Variants in DGKB observed in about 807,000 individuals in gnomAD.
DGKB encodes the protein 90 kDa diacylglycerol kinase.
Under a neutral mutation model 114.3 loss-of-function variants are expected in DGKB, and 67 were observed. The observed-to-expected ratio is 0.59, with a 90% confidence interval of 0.48 to 0.72. DGKB has a LOEUF of 0.72. DGKB is among the 30% of genes least tolerant of loss of function. The pLI, the probability that DGKB is intolerant of heterozygous loss-of-function variation, is 0.00. For missense variants in DGKB, 907 were observed against 975.2 expected (o/e 0.93, Z 0.93); for synonymous variants, 398 against 323.1 (o/e 1.23, Z -2.49).
rs528475802 is a variant in DGKB, at chr7:14,761,535, A to G, written c.71-3804T>C. On this transcript the variant is annotated intron_variant, in intron 2 of 25. Coordinates refer to ENST00000402815, the MANE Select transcript of DGKB (RefSeq NM_001350709.2). ...TGAGTTACATTCTGTCCAAAACTACACTGGGGCAGTGGAGAGGGGAAAGGA... is the reference window on the plus strand; with the variant it reads ...TGAGTTACATTCTGTCCAAAACTACGCTGGGGCAGTGGAGAGGGGAAAGGA... Among the ~76,000 whole-genome samples the G allele has an allele frequency of 2.0e-5, 3 of 152,306 alleles. No individual in the cohort carries two copies. In the South Asian group the frequency reaches 6.2e-4, roughly 32 times the overall value.
chr7:14,818,362 T>C (rs1844454074), intron 2 of DGKB, among the ~76,000 whole-genome samples: 1 of 152,130 alleles, frequency 6.6e-6, no homozygotes, highest in African/African-American at 2.4e-5. Flanking sequence ...TGCACACAGT[T>C]CTAGAATCTT....
At chr7:14,315,193 G>C (rs1015243787) in intron 23 of DGKB, among the ~76,000 whole-genome samples, 3 of 141,314 alleles carry the variant, frequency 2.1e-5, no homozygotes, top group Non-Finnish European at 3.1e-5. Flanking sequence ...AAAATGTAAA[G>C]ACCGTCGAGA....
chr7:14,481,776 T>C (rs894485681), intron 20 of DGKB, among the ~76,000 whole-genome samples: 1 of 152,010 alleles, frequency 6.6e-6, no homozygotes, highest in Non-Finnish European at 1.5e-5. Flanking sequence ...AAACTTTTCT[T>C]TTTCTCAAAA....
chr7:14,315,199 C>T (rs965975701), intron 23 of DGKB, among the ~76,000 whole-genome samples: 4 of 143,982 alleles, frequency 2.8e-5, no homozygotes, highest in Admixed American at 2.1e-4. Flanking sequence ...TAAAGACCGT[C>T]GAGACTAGGA....
chr7:14,258,853 C>A (rs553466668), intron 23 of DGKB, among the ~76,000 whole-genome samples: 1 of 151,138 alleles, frequency 6.6e-6, no homozygotes, highest in African/African-American at 2.4e-5. Flanking sequence ...CTGTGCCTAT[C>A]CCTCAAAAAC....
chr7:14,391,112 C>G (rs994502410), intron 21 of DGKB, among the ~76,000 whole-genome samples: 2 of 152,110 alleles, frequency 1.3e-5, no homozygotes, highest in Non-Finnish European at 2.9e-5. Context: ...ACTACACTTG[C>G]TAGAGGTATT....
At chr7:14,904,893 T>C (rs896318452), upstream of DGKB, among the ~76,000 whole-genome samples, 3 of 152,156 alleles carry the variant, frequency 2.0e-5, no homozygotes, top group South Asian at 2.1e-4. Flanking sequence ...CACATAGAAA[T>C]ACATTTTGAT....
intron 21 of DGKB, among the ~76,000 whole-genome samples, chr7:14,397,282 C>T (rs544839099): frequency 1.3e-5 from 2 of 152,214 alleles, no homozygotes; most frequent in East Asian, 3.9e-4. Context: ...TGTGAGTGCG[C>T]TGACCTGTGG....
chr7:14,381,297 G>C (rs1223092128), intron 21 of DGKB, among the ~76,000 whole-genome samples: 3 of 152,184 alleles, frequency 2.0e-5, no homozygotes, highest in Admixed American at 2.0e-4. Context: ...GTCTCCATTT[G>C]TACTTTTGCT....
chr7:14,622,043 C>T (rs1807751654), intron 14 of DGKB, among the ~76,000 whole-genome samples: 1 of 151,926 alleles, frequency 6.6e-6, no homozygotes, highest in Admixed American at 6.6e-5. Flanking sequence ...GTTTCTATTT[C>T]CTCTCTTTTC....
chr7:14,392,995 G>GTTTTGTTTTTTTGTTTT (rs1554404749), intron 21 of DGKB, among the ~76,000 whole-genome samples: 2 of 60,548 alleles, frequency 3.3e-5, no homozygotes, highest in African/African-American at 9.7e-5. Flanking sequence ...TTTTGTTTTT[G>GTTTTGTTTTTTTGTTTT]TTTTTTTTTT....
intron 1 of DGKB, among the ~76,000 whole-genome samples, chr7:14,960,962 A>T (rs1007591815): frequency 6.6e-6 from 1 of 152,060 alleles, no homozygotes; most frequent in African/African-American, 2.4e-5. Flanking sequence ...AGAACATGAC[A>T]TCTCAATTTA....
At chr7:14,860,852 A>C (rs914907356) in intron 1 of DGKB, among the ~76,000 whole-genome samples, 1 of 151,916 alleles carries the variant, frequency 6.6e-6, no homozygotes, top group African/African-American at 2.4e-5. Context: ...GCATACCTAG[A>C]AAATTTATAG....
At chr7:14,908,984 T>C (rs554559044) in intron 1 of DGKB, among the ~76,000 whole-genome samples, 4 of 152,036 alleles carry the variant, frequency 2.6e-5, no homozygotes, top group South Asian at 4.2e-4. Flanking sequence ...AGGATGCATT[T>C]CTTCAATTAA....
At chr7:14,759,306 A>AT (rs1291228517) in intron 2 of DGKB, among the ~76,000 whole-genome samples, 1 of 152,120 alleles carries the variant, frequency 6.6e-6, no homozygotes, top group African/African-American at 2.4e-5. Context: ...CAATTCAGTA[A>AT]TTTTTAGCAT....
chr7:14,933,655 A>T (rs570493568), intron 1 of DGKB, among the ~76,000 whole-genome samples: 1 of 152,176 alleles, frequency 6.6e-6, no homozygotes, highest in African/African-American at 2.4e-5. Context: ...AAACTAATGT[A>T]TACAAAGATA....
intron 21 of DGKB, among the ~76,000 whole-genome samples, chr7:14,425,982 G>C (rs1418260241): frequency 6.6e-6 from 1 of 152,078 alleles, no homozygotes; most frequent in Non-Finnish European, 1.5e-5. Context: ...AATGCCACAA[G>C]TATTTAGAGT....
chr7:14,797,396 G>A (rs1779713990), intron 2 of DGKB, among the ~76,000 whole-genome samples: 1 of 152,058 alleles, frequency 6.6e-6, no homozygotes, highest in Non-Finnish European at 1.5e-5. Context: ...TATACTCAAG[G>A]AAACCAAAAT....
intron 23 of DGKB, among the ~76,000 whole-genome samples, chr7:14,274,828 C>T (rs1030692654): frequency 6.8e-6 from 1 of 147,964 alleles, no homozygotes; most frequent in Admixed American, 6.7e-5. Flanking sequence ...GCTCCACCTT[C>T]ATTACCTCAT....
Sources: gnomAD v4.1 joint callset for allele counts (sites outside exome capture counted in the v4.1 genomes callset) on GRCh38, gnomAD v4.1.1 for gene constraint, MANE v1.5 for transcripts, NCBI Gene and HGNC (gene_info 2026-07-23, HGNC 2026-07-21) for gene names.